The following EGFR variants were observed in gnomAD, a reference collection of about 807,000 sequenced individuals.
EGFR encodes epidermal growth factor receptor.
In EGFR, 58 loss-of-function variants were observed where a neutral mutation model predicts 143.0. The observed-to-expected ratio is 0.41, with a 90% confidence interval of 0.33 to 0.50. EGFR has a LOEUF of 0.50. EGFR is among the 20% of genes least tolerant of loss of function. The pLI, the probability that EGFR is intolerant of heterozygous loss-of-function variation, is 0.39. For missense variants in EGFR, 1,307 were observed against 1,579.0 expected, an observed-to-expected ratio of 0.83 and a Z score of 2.92; for synonymous variants, 613 against 594.4, an observed-to-expected ratio of 1.03 and a Z score of -0.45.
intron 1 of EGFR, among the ~76,000 whole-genome samples, chr7:55,072,344 A>T (rs1166224575): frequency 6.6e-6 from 1 of 152,202 alleles, no homozygotes; most frequent in Non-Finnish European, 1.5e-5. Context: ...CACGTTCATC[A>T]GAGTCAGAGG....
chr7:55,044,844 A>G (rs1788098338), intron 1 of EGFR, among the ~76,000 whole-genome samples: 1 of 152,262 alleles, frequency 6.6e-6, no homozygotes, highest in South Asian at 2.1e-4. Flanking sequence ...TTTCAGAACT[A>G]GATGGGATCT....
intron 1 of EGFR, among the ~76,000 whole-genome samples, chr7:55,077,238 T>C (rs1583980489): frequency 6.6e-6 from 1 of 152,166 alleles, no homozygotes; most frequent in East Asian, 1.9e-4. Context: ...TTGCTGGGTG[T>C]GGTATTTTTA....
intron 1 of EGFR, among the ~76,000 whole-genome samples, chr7:55,083,759 C>T (rs1451711858): frequency 1.3e-5 from 2 of 152,186 alleles, no homozygotes; most frequent in African/African-American, 4.8e-5. Context: ...TGCAGACATG[C>T]ATTAATGTTT....
At chr7:55,027,645 T>C (rs567221615) in intron 1 of EGFR, among the ~76,000 whole-genome samples, 1 of 152,318 alleles carries the variant, frequency 6.6e-6, no homozygotes, top group African/African-American at 2.4e-5. Context: ...CAATTTTCCC[T>C]AAAATGTGTT....
At chr7:55,155,804 C>T (rs759454327) in intron 7 of EGFR, 26 bp from the exon 8 acceptor site, 1 of 1,604,442 alleles carries the variant, frequency 6.2e-7, no homozygotes, top group East Asian at 2.2e-5. Flanking sequence ...ACCGTCATCA[C>T]CTTCCTTTCA....
At chr7:55,112,230 C>A (rs1032349241) in intron 1 of EGFR, among the ~76,000 whole-genome samples, 1 of 152,174 alleles carries the variant, frequency 6.6e-6, no homozygotes, top group Non-Finnish European at 1.5e-5. Context: ...GATAGCCACA[C>A]GATTTAAGGG....
intron 1 of EGFR, among the ~76,000 whole-genome samples, chr7:55,069,317 C>T (rs1789692160): frequency 6.6e-6 from 1 of 152,164 alleles, no homozygotes; most frequent in African/African-American, 2.4e-5. Flanking sequence ...TGATGATCCT[C>T]CAGCAAGGGA....
At chr7:55,024,221 GACATT>G (rs1786751278) in intron 1 of EGFR, among the ~76,000 whole-genome samples, 1 of 152,152 alleles carries the variant, frequency 6.6e-6, no homozygotes, top group Non-Finnish European at 1.5e-5. Context: ...TGCTAGATTT[GACATT>G]TCAATCCCTG....
At chr7:55,178,582 C>T (rs1786710628) in intron 19 of EGFR, among the ~76,000 whole-genome samples, 1 of 152,192 alleles carries the variant, frequency 6.6e-6, no homozygotes, top group African/African-American at 2.4e-5. Context: ...CCGTTCACCT[C>T]GTCAGCCTCA....
intron 1 of EGFR, among the ~76,000 whole-genome samples, chr7:55,055,469 T>C (rs1788752729): frequency 6.6e-6 from 1 of 152,204 alleles, no homozygotes; most frequent in South Asian, 2.1e-4. Context: ...ACCGAACATG[T>C]GCGCATTCAG....
At chr7:55,140,788 A>G (rs1794414912) in intron 1 of EGFR, among the ~76,000 whole-genome samples, 1 of 152,230 alleles carries the variant, frequency 6.6e-6, no homozygotes. Flanking sequence ...TGTGAAAGCT[A>G]TCATTATCAC....
chr7:55,152,498 A>C (rs751133675), intron 5 of EGFR, 48 bp from the exon 6 acceptor site: 1 of 1,544,586 alleles, frequency 6.5e-7, no homozygotes, highest in East Asian at 2.2e-5. Context: ...CTGGGAAATG[A>C]TCCTACCCTC....
chr7:55,164,913 T>G (rs1008053929), intron 14 of EGFR, among the ~76,000 whole-genome samples: 2 of 152,222 alleles, frequency 1.3e-5, no homozygotes, highest in Non-Finnish European at 2.9e-5. Context: ...AGCTTCCCTT[T>G]AACTTCAACT....
intron 1 of EGFR, among the ~76,000 whole-genome samples, chr7:55,065,438 T>C (rs1341871712): frequency 6.6e-6 from 1 of 152,246 alleles, no homozygotes; most frequent in Non-Finnish European, 1.5e-5. Context: ...TAGAAGTATC[T>C]GGGTGGCTAC....
intron 23 of EGFR, 118 bp downstream of exon 23, chr7:55,198,981 A>G: frequency 7.4e-7 from 1 of 1,349,612 alleles, no homozygotes; most frequent in Non-Finnish European, 1.0e-6. Flanking sequence ...TAAGGCAGGC[A>G]CACAAATCCA....
chr7:55,117,820 T>C (rs1416242370), intron 1 of EGFR, among the ~76,000 whole-genome samples: 1 of 152,150 alleles, frequency 6.6e-6, no homozygotes, highest in South Asian at 2.1e-4. Context: ...AAGTGTATAT[T>C]TGAGGCTTCA....
intron 1 of EGFR, among the ~76,000 whole-genome samples, chr7:55,075,819 A>G (rs1423167069): frequency 1.3e-5 from 2 of 152,186 alleles, no homozygotes; most frequent in African/African-American, 4.8e-5. Context: ...ACAAAAATCC[A>G]TGCACATCAA....
chr7:55,101,213 C>T (rs1407384407), intron 1 of EGFR, among the ~76,000 whole-genome samples: 1 of 152,232 alleles, frequency 6.6e-6, no homozygotes, highest in Non-Finnish European at 1.5e-5. Flanking sequence ...CCAGACTTTA[C>T]GCTTGCGTCA....
chr7:55,182,692 C>T (rs757038850), intron 20 of EGFR, among the ~76,000 whole-genome samples: 52 of 152,144 alleles, frequency 3.4e-4, no homozygotes, highest in Non-Finnish European at 1.2e-4. Flanking sequence ...CATCATCGGG[C>T]ATTGATATCT....
Sources: allele counts gnomAD v4.1 joint callset (sites outside exome capture counted in the v4.1 genomes callset), GRCh38; gene constraint gnomAD v4.1.1; transcripts MANE v1.5; gene names NCBI Gene and HGNC (gene_info 2026-07-23, HGNC 2026-07-21).